Variants in SHC2 observed in about 807,000 individuals in gnomAD.
SHC2 encodes the protein SHC adaptor protein 2, also known as SHC-transforming protein 2.
SHC2 carries 62 observed loss-of-function variants against 60.6 expected under a neutral mutation model. That is an observed-to-expected ratio of 1.02 (90% CI 0.83 to 1.26). The LOEUF (loss-of-function observed/expected upper bound fraction) is 1.26. Among genes scored for constraint, SHC2 ranks in the 50% most tolerant of loss-of-function variants. The pLI is 0.00. For synonymous variants in SHC2, 375 were observed against 372.4 expected, an observed-to-expected ratio of 1.01 and a Z score of -0.08; for missense variants, 873 against 822.2, an observed-to-expected ratio of 1.06 and a Z score of -0.76.
At position 436,389 on chromosome 19, in the gene SHC2, T is replaced by A; in HGVS notation, c.817A>T (p.Asn273Tyr). The A allele has an allele frequency of 6.3e-7, 1 of 1,593,930 alleles. No homozygotes were observed. The highest frequency in any genetic ancestry group is 8.6e-7 in the Non-Finnish European group (1 of 1,167,154). Residue 273 changes from asparagine (N) to tyrosine (Y), a missense_variant, in exon 6 of 13, where the codon AAC becomes TAC. Coordinates refer to ENST00000264554, the MANE Select transcript of SHC2 (RefSeq NM_012435.3). ...TCCCCGGGGGCCTCACCTCTCTGGT[T>A]GATGGGGTCCTTGGCGACGTAGGCC... is the stretch of plus-strand genomic sequence containing the variant. Reference protein sequence around the residue: ...YVAYVAKDPINQRACHILECC... With the variant: ...YVAYVAKDPIYQRACHILECC...
chr19:441,558 C>T lies in SHC2; in HGVS notation c.469-626G>A, dbSNP rs1006427767. 2.0e-5 allele frequency among the ~76,000 whole-genome samples: 3 copies of T among 152,222 alleles called. No homozygotes were observed. Among genetic ancestry groups the T allele is most frequent in the South Asian group, 2.1e-4 (1 of 4,830 alleles). Reference sequence around the variant, plus strand: ...CAGGGCCAGGAGGCGAAGGCCACAGCGTCCTTCCAACGTTGGCCCTTGCTG... The same window carrying T: ...CAGGGCCAGGAGGCGAAGGCCACAGTGTCCTTCCAACGTTGGCCCTTGCTG... On this transcript the variant is annotated intron_variant, in intron 1 of 12. Coordinates refer to ENST00000264554, the MANE Select transcript of SHC2 (RefSeq NM_012435.3). This position sits in a 1 kb window ranked among gnomAD's most constrained non-coding sequence, Gnocchi z 4.9.
chr19:455,752 G>A (rs935449265), intron 1 of SHC2, among the ~76,000 whole-genome samples: 9 of 152,134 alleles, frequency 5.9e-5, no homozygotes, highest in Non-Finnish European at 8.8e-5. Context: ...CTTTCCCAGC[G>A]TCCTGAGGGG....
At chr19:460,015 A>C (rs1290463533) in intron 1 of SHC2, among the ~76,000 whole-genome samples, 1 of 152,200 alleles carries the variant, frequency 6.6e-6, no homozygotes, top group Non-Finnish European at 1.5e-5. Flanking sequence ...TTCATTTATC[A>C]TAAGACCCAA....
In SHC2 at chr19:446,937, C is replaced by T. The variant is rs577177728; in HGVS notation, c.469-6005G>A. On this transcript the variant is annotated intron_variant, in intron 1 of 12. Transcript: ENST00000264554. This position sits in a 1 kb window ranked among gnomAD's most constrained non-coding sequence, Gnocchi z 5.4. ...CCGTCCGAGTCTCCGCCACCGCCCA[C>T]GCCAGCCACCGGGACCCACCTCATA... Among the ~76,000 whole-genome samples the T allele has an allele frequency of 1.7e-4, 26 of 152,274 alleles. No homozygotes were observed. The highest frequency in any genetic ancestry group is 6.0e-4 in the African/African-American group (25 of 41,548).
At position 436,691 on chromosome 19, in the gene SHC2, G is replaced by A. The variant is rs771040603; in HGVS notation, c.721-8C>T. 26 of 1,602,472 alleles carry A rather than the reference G, an allele frequency of 1.6e-5. No homozygotes were observed. The highest frequency in any genetic ancestry group is 1.1e-4 in the East Asian group (5 of 44,778). On this transcript the variant is annotated splice_region_variant and splice_polypyrimidine_tract_variant and intron_variant, in intron 4 of 12. Coordinates refer to ENST00000264554, the MANE Select transcript of SHC2 (RefSeq NM_012435.3). ...GTGGTGGTTGGCGATGACCTGTGGC[G>A]GCAGGAGGCACACGCGGTCATGGGG...
At chr19:439,574 T>C (rs1221816304) in intron 2 of SHC2, 2 of 153,922 alleles carry the variant, frequency 1.3e-5, no homozygotes, top group Non-Finnish European at 2.9e-5. Context: ...GCCCCGGAAA[T>C]GTCGGCGTCA....
At position 460,274 on chromosome 19, in the gene SHC2, C is replaced by A. The variant is rs144772863; in HGVS notation, c.468+255G>T. On this transcript the variant is annotated intron_variant, in intron 1 of 12. Coordinates refer to ENST00000264554, the MANE Select transcript of SHC2 (RefSeq NM_012435.3). ...CCCAGTCCGAGTGGGGGGCGGTGCA[C>A]CTGCGCATGCGCGCCCCTCCCCCGC... 2.0e-3 allele frequency among the ~76,000 whole-genome samples: 307 copies of A among 152,160 alleles called. 1 individual carries two copies. Among genetic ancestry groups the A allele is most frequent in the African/African-American group, 7.2e-3 (301 of 41,544 alleles).
In SHC2 at chr19:425,125, G is replaced by A; in HGVS notation, c.1281C>T (p.Asp427=). ...TQGLDAPEPE[D]SPKKDLFDMR... ...TGTCAAACAGATCCTTTTTGGGGCT[G>A]TCCTCCGGCTCGGGGGCGTCCAGAC... Residue 427 remains aspartate, a synonymous_variant, in exon 10 of 13, where the codon GAC becomes GAT. Coordinates refer to ENST00000264554, the MANE Select transcript of SHC2 (RefSeq NM_012435.3). The surrounding 1 kb of genome is among the most constrained non-coding windows in gnomAD (Gnocchi z 4.1). 7.1e-7 allele frequency: 1 copy of A among 1,405,074 alleles called. No homozygotes were observed. Among genetic ancestry groups the A allele is most frequent in the South Asian group, 1.8e-5 (1 of 57,128 alleles). 87.0% of individuals were successfully genotyped at this position (1,405,074 alleles called of 1,614,324 possible).
rs1314042351 is a variant in SHC2, at chr19:445,211, G to A, written c.469-4279C>T. ...TCAAAATCCCTCTGTGGAAACCTAT[G>A]CCCCACTGTGAGGGTATTTAAAGGT... On this transcript the variant is annotated intron_variant, in intron 1 of 12. Transcript: ENST00000264554. This position sits in a 1 kb window ranked among gnomAD's most constrained non-coding sequence, Gnocchi z 4.4. Among the ~76,000 whole-genome samples the A allele has an allele frequency of 6.6e-6, 1 of 152,176 alleles. No individual in the cohort carries two copies. Among genetic ancestry groups the A allele is most frequent in the Non-Finnish European group, 1.5e-5 (1 of 68,018 alleles).
Position 425,585 on chromosome 19 carries a change from T to C in SHC2, c.1175-354A>G, listed in dbSNP as rs371178077. Among the ~76,000 whole-genome samples the C allele has an allele frequency of 7.9e-5, 12 of 152,212 alleles. No individual in the cohort carries two copies. Among genetic ancestry groups the C allele is most frequent in the East Asian group, 7.7e-4 (4 of 5,190 alleles). Reference sequence around the variant, plus strand: ...CCAGAGCTTCCCAGTGCGTGTATGTTCAGTCTCCACATTTAAAAATAATCA... The same window carrying C: ...CCAGAGCTTCCCAGTGCGTGTATGTCCAGTCTCCACATTTAAAAATAATCA... On this transcript the variant is annotated intron_variant, in intron 9 of 12. Transcript: ENST00000264554. The surrounding 1 kb of genome is among the most constrained non-coding windows in gnomAD (Gnocchi z 4.1).
intron 1 of SHC2, among the ~76,000 whole-genome samples, chr19:452,954 C>G (rs1045388172): frequency 1.3e-5 from 2 of 152,182 alleles, no homozygotes; most frequent in Admixed American, 6.5e-5. Flanking sequence ...TTGCCATTTC[C>G]AGCCAATGGA....
chr19:457,219 A>G (rs372842609), intron 1 of SHC2, among the ~76,000 whole-genome samples: 2 of 94,932 alleles, frequency 2.1e-5, no homozygotes, highest in African/African-American at 9.2e-5. Context: ...ACCCCACCAC[A>G]TCAGGCCTTT....
In SHC2 at chr19:441,503, C is replaced by T. The variant is rs1974868494; in HGVS notation, c.469-571G>A. ...CAGAGGCGTCCCACCGAGTCCCTGA[C>T]CTGCTTCAGTGCCGTAAAGGGTGGG... On this transcript the variant is annotated intron_variant, in intron 1 of 12. Coordinates refer to ENST00000264554, the MANE Select transcript of SHC2 (RefSeq NM_012435.3). This position sits in a 1 kb window ranked among gnomAD's most constrained non-coding sequence, Gnocchi z 4.9. Among the ~76,000 whole-genome samples, 1 of 152,190 alleles carries T rather than the reference C, an allele frequency of 6.6e-6. No individual in the cohort carries two copies. Among genetic ancestry groups the T allele is most frequent in the Non-Finnish European group, 1.5e-5 (1 of 68,030 alleles).
intron 4 of SHC2, 93 bp from the exon 5 acceptor site, chr19:436,776 C>T (rs754600738): frequency 2.1e-4 from 255 of 1,232,612 alleles, no homozygotes; most frequent in Admixed American, 4.2e-4. Context: ...AAGAGTGGGG[C>T]AGGGGCAGGG....
chr19:452,804 G>A (rs1568297757), intron 1 of SHC2, among the ~76,000 whole-genome samples: 3 of 152,186 alleles, frequency 2.0e-5, no homozygotes, highest in Non-Finnish European at 2.9e-5. Context: ...CTCACAAAAC[G>A]CAGCTCTCCA....
chr19:455,757 G>C (rs117425508), intron 1 of SHC2, among the ~76,000 whole-genome samples: 2,928 of 152,276 alleles, frequency 0.019, 136 homozygotes, highest in East Asian at 0.14. Context: ...CCAGCGTCCT[G>C]AGGGGCCCAC....
chr19:438,696 C>T lies in SHC2; in HGVS notation c.720+22G>A, dbSNP rs1351148989. 1 of 1,546,744 alleles carries T rather than the reference C, an allele frequency of 6.5e-7. No individual in the cohort carries two copies. ...GGCCCCTCTGGGGGTCTGGGGACGC[C>T]AGGCGAAGAGGGCAGACCCACCTGG... On this transcript the variant is annotated intron_variant, in intron 4 of 12. Transcript: ENST00000264554. This position sits in a 1 kb window ranked among gnomAD's most constrained non-coding sequence, Gnocchi z 5.0.
intron 10 of SHC2, among the ~76,000 whole-genome samples, chr19:423,630 C>T (rs1021186303): frequency 2.8e-5 from 4 of 140,514 alleles, no homozygotes; most frequent in Middle Eastern, 3.7e-3. Flanking sequence ...CCCTGACCCT[C>T]GCTCCCTGGT....
chr19:456,312 C>T (rs1191299075), intron 1 of SHC2, among the ~76,000 whole-genome samples: 4 of 144,328 alleles, frequency 2.8e-5, no homozygotes, highest in Non-Finnish European at 6.0e-5. Context: ...TGGGGGACAG[C>T]GCTGGGGGCT....
Sources: gnomAD v4.1 joint callset for allele counts (sites outside exome capture counted in the v4.1 genomes callset) on GRCh38, gnomAD v4.1.1 for gene constraint, Gnocchi (gnomAD v3.1) non-coding constraint, MANE v1.5 for transcripts, NCBI Gene and HGNC (gene_info 2026-07-23, HGNC 2026-07-21) for gene names.